Variants in LRPPRC observed in about 807,000 individuals in gnomAD.
LRPPRC encodes the protein leucine-rich PPR motif-containing protein, mitochondrial.
LRPPRC carries 120 observed loss-of-function variants against 180.3 expected under a neutral mutation model. That is an observed-to-expected ratio of 0.67 (90% CI 0.57 to 0.77). The LOEUF (loss-of-function observed/expected upper bound fraction) is 0.77, where lower values mean the gene tolerates loss of function less well. Among genes scored for constraint, LRPPRC ranks in the 30% least tolerant of loss-of-function variants. The pLI, the probability that LRPPRC is intolerant of heterozygous loss-of-function variation, is 0.00. For missense variants in LRPPRC, 2,012 were observed against 1,657.2 expected, an observed-to-expected ratio of 1.21 and a Z score of -3.72; for synonymous variants, 723 against 600.0, an observed-to-expected ratio of 1.21 and a Z score of -3.00.
intron 11 of LRPPRC, among the ~76,000 whole-genome samples, chr2:43,969,643 A>C (rs1448297995): frequency 2.0e-5 from 3 of 152,182 alleles, no homozygotes; most frequent in African/African-American, 7.2e-5. Flanking sequence ...AGGAAAAAAT[A>C]TGTGCAGAAT....
chr2:43,990,956 C>T (rs1337321050), intron 1 of LRPPRC, among the ~76,000 whole-genome samples: 1 of 151,980 alleles, frequency 6.6e-6, no homozygotes, highest in Non-Finnish European at 1.5e-5. Flanking sequence ...AGCAATTCTC[C>T]TGCCTCAGCC....
intron 23 of LRPPRC, among the ~76,000 whole-genome samples, chr2:43,938,388 T>A (rs75566503): frequency 6.6e-6 from 1 of 152,296 alleles, no homozygotes; most frequent in East Asian, 1.9e-4. Context: ...TCTGTAATTT[T>A]AAATTTTAAG....
intron 27 of LRPPRC, among the ~76,000 whole-genome samples, chr2:43,918,848 G>T (rs566897531): frequency 1.4e-4 from 20 of 145,604 alleles, no homozygotes; most frequent in South Asian, 2.1e-4. Flanking sequence ...TCTATATATA[G>T]AGATATATAT....
At chr2:43,974,525 C>G in intron 8 of LRPPRC, 89 bp downstream of exon 8, 1 of 973,308 alleles carries the variant, frequency 1.0e-6, no homozygotes, top group Non-Finnish European at 1.6e-6. Flanking sequence ...TCCCACAATG[C>G]CCATTGTTAG....
intron 1 of LRPPRC, 54 bp downstream of exon 1, chr2:43,995,745 C>A: frequency 1.5e-6 from 2 of 1,343,634 alleles, no homozygotes; most frequent in Non-Finnish European, 1.9e-6. Flanking sequence ...GCACCCACGA[C>A]CCCGGGGGAC....
chr2:43,952,564 G>T (rs1481632815), intron 14 of LRPPRC, among the ~76,000 whole-genome samples: 1 of 152,116 alleles, frequency 6.6e-6, no homozygotes, highest in African/African-American at 2.4e-5. Flanking sequence ...AATTTCTGTT[G>T]TTGTTAGCCA....
chr2:43,926,035 T>C, intron 25 of LRPPRC, 74 bp from the exon 26 acceptor site: 3 of 874,952 alleles, frequency 3.4e-6, no homozygotes, highest in Non-Finnish European at 5.8e-6. Context: ...TCAAAGACAG[T>C]TTCTTTTCTT....
chr2:43,945,256 C>G (rs1672635624), intron 22 of LRPPRC, 76 bp downstream of exon 22: 1 of 970,164 alleles, frequency 1.0e-6, no homozygotes, highest in Non-Finnish European at 1.7e-6. Flanking sequence ...ACATGATATC[C>G]ATTAATATCA....
intron 16 of LRPPRC, among the ~76,000 whole-genome samples, chr2:43,949,117 T>C (rs891724794): frequency 6.6e-6 from 1 of 152,182 alleles, no homozygotes; most frequent in Non-Finnish European, 1.5e-5. Flanking sequence ...AGGATAGAAA[T>C]GTAAACTTTC....
chr2:43,910,176 G>A (rs139444237), intron 30 of LRPPRC, among the ~76,000 whole-genome samples: 1 of 151,978 alleles, frequency 6.6e-6, no homozygotes, highest in Non-Finnish European at 1.5e-5. Flanking sequence ...GGTCTTCAAT[G>A]AGCAGCATGC....
At position 43,960,640 on chromosome 2, in the gene LRPPRC, G is replaced by A. The variant is rs1350812508; in HGVS notation, c.1489-6C>T. 1 of 1,429,900 alleles carries A rather than the reference G, an allele frequency of 7.0e-7. No homozygotes were observed. The allele number at this position is 1,429,900 out of a possible 1,614,324, so 88.6% of individuals were successfully genotyped here. A position where few individuals can be genotyped will look rare whatever the true frequency, so the allele number is the denominator to read the frequency against. ...TCAGACAGACATCCATTTTCCTGGA[G>A]ATAAAGCATATATCAATGAGAATAC... On this transcript the variant is annotated splice_region_variant and splice_polypyrimidine_tract_variant and intron_variant, in intron 12 of 37. Coordinates refer to ENST00000260665, the MANE Select transcript of LRPPRC (RefSeq NM_133259.4).
At chr2:43,974,355 C>T in intron 8 of LRPPRC, 60 bp from the exon 9 acceptor site, 1 of 1,199,608 alleles carries the variant, frequency 8.3e-7, no homozygotes. Context: ...TACACTGCAA[C>T]CAATGTTCCA....
chr2:43,960,102 T>C (rs555268248), intron 13 of LRPPRC, among the ~76,000 whole-genome samples: 2 of 152,340 alleles, frequency 1.3e-5, no homozygotes, highest in South Asian at 4.1e-4. Context: ...ATTTGCTGTG[T>C]TTTTGTTAAT....
chr2:43,993,257 G>C (rs571100813), intron 1 of LRPPRC, among the ~76,000 whole-genome samples: 54 of 152,264 alleles, frequency 3.5e-4, no homozygotes, highest in African/African-American at 1.2e-3. Context: ...ATCAATGAAT[G>C]GCTCTCTGGT....
Position 43,960,530 on chromosome 2 carries a change from TG to T in LRPPRC, c.1582+10del. On this transcript the variant is annotated intron_variant, in intron 13 of 37. Coordinates refer to ENST00000260665, the MANE Select transcript of LRPPRC (RefSeq NM_133259.4). The stretch of plus-strand genomic sequence containing the variant: ...CATCTATCAAGTTTACCGCTAATGT[TG>T]TATACTTACAAAATGATAATACAAA... 1 of 1,413,388 alleles carries T rather than the reference TG, an allele frequency of 7.1e-7. No individual in the cohort carries two copies. Among genetic ancestry groups the T allele is most frequent in the Non-Finnish European group, 1.0e-6 (1 of 998,828 alleles). 87.6% of individuals were successfully genotyped at this position (1,413,388 alleles called of 1,614,324 possible).
At chr2:43,979,786 C>T in intron 3 of LRPPRC, 40 bp downstream of exon 3, 1 of 1,598,866 alleles carries the variant, frequency 6.3e-7, no homozygotes, top group Non-Finnish European at 8.6e-7. Context: ...GAAAAAACAT[C>T]TACACCTTTT....
At chr2:43,945,539 C>A in intron 21 of LRPPRC, 122 bp from the exon 22 acceptor site, 1 of 698,988 alleles carries the variant, frequency 1.4e-6, no homozygotes, top group East Asian at 2.7e-5. Flanking sequence ...TTGGCCTCTA[C>A]GCTTCAGTTA....
chr2:43,994,029 A>G (rs1485125354), intron 1 of LRPPRC, among the ~76,000 whole-genome samples: 1 of 152,104 alleles, frequency 6.6e-6, no homozygotes, highest in Non-Finnish European at 1.5e-5. Flanking sequence ...CTACTAAACT[A>G]TGTTCTCTCT....
At chr2:43,954,195 AC>A (rs1368138921) in intron 14 of LRPPRC, among the ~76,000 whole-genome samples, 3 of 152,230 alleles carry the variant, frequency 2.0e-5, no homozygotes, top group African/African-American at 7.2e-5. Flanking sequence ...TTAAAAAAAA[AC>A]ATATTTCACA....
Sources: gnomAD v4.1 joint callset for allele counts (sites outside exome capture counted in the v4.1 genomes callset) on GRCh38, gnomAD v4.1.1 for gene constraint, MANE v1.5 for transcripts, NCBI Gene and HGNC (gene_info 2026-07-23, HGNC 2026-07-21) for gene names.